Variants in SLCO4A1 observed in about 807,000 individuals in gnomAD.
SLCO4A1 encodes colon organic anion transporter.
A neutral mutation model predicts 64.6 loss-of-function variants in SLCO4A1; 51 were observed. That is an observed-to-expected ratio of 0.79 (90% CI 0.63 to 1.00). The LOEUF is 1.00. Ranked by LOEUF, SLCO4A1 falls within the 50% of genes least tolerant of loss-of-function variation. SLCO4A1 has a pLI of 0.00. For missense variants in SLCO4A1, 919 were observed against 980.5 expected (o/e 0.94, Z 0.84); for synonymous variants, 471 against 444.9 (o/e 1.06, Z -0.74).
downstream of SLCO4A1, among the ~76,000 whole-genome samples, chr20:62,689,320 C>A (rs895759567): frequency 7.2e-6 from 1 of 139,798 alleles, no homozygotes; most frequent in Non-Finnish European, 1.6e-5. Flanking sequence ...CCCGGCTGTG[C>A]CCCGTGCCTC....
At chr20:62,687,904 C>G (rs1988117536), downstream of SLCO4A1, among the ~76,000 whole-genome samples, 1 of 152,130 alleles carries the variant, frequency 6.6e-6, no homozygotes, top group African/African-American at 2.4e-5. Context: ...CCCAGGGGAT[C>G]CCCACTCACC....
intron 1 of SLCO4A1, among the ~76,000 whole-genome samples, chr20:62,652,448 G>A (rs929695825): frequency 3.3e-5 from 5 of 152,076 alleles, no homozygotes; most frequent in African/African-American, 1.2e-4. Flanking sequence ...GCGCCTCCTC[G>A]TCAGTCCCGC....
At chr20:62,688,515 G>A (rs185587054), downstream of SLCO4A1, among the ~76,000 whole-genome samples, 163 of 152,318 alleles carry the variant, frequency 1.1e-3, no homozygotes, top group Non-Finnish European at 2.0e-3. Flanking sequence ...ATATTTTCTC[G>A]GGGTTTGGGG....
At position 62,656,580 on chromosome 20, in the gene SLCO4A1, C is replaced by G. The variant is rs1983754397; in HGVS notation, c.126C>G (p.Gly42=). The change falls in exon 2 of 12, where the codon GGC becomes GGG. Residue 42 remains glycine, a synonymous_variant. Coordinates refer to ENST00000217159, the MANE Select transcript of SLCO4A1 (RefSeq NM_016354.4). ...RASPGTPLSP[G]SLRSAAHSPL... is the part of the protein sequence containing the mutation. ...CCCCGGGCACACCCCTGAGCCCCGG[C>G]TCCCTCCGCTCCGCTGCCCATAGCC... 1.3e-6 allele frequency: 2 copies of G among 1,590,100 alleles called. No homozygotes were observed. The highest frequency in any genetic ancestry group is 1.7e-6 in the Non-Finnish European group (2 of 1,171,994).
At chr20:62,667,614 GC>G (rs780133928) in intron 7 of SLCO4A1, 130 bp from the exon 8 acceptor site, 3 of 1,096,706 alleles carry the variant, frequency 2.7e-6, no homozygotes, top group Middle Eastern at 3.1e-4. Context: ...TGGGGGCGGT[GC>G]AAGCTTGGCA....
In SLCO4A1 at chr20:62,666,380, G is replaced by A. The variant is rs767394520; in HGVS notation, c.1277G>A (p.Gly426Glu). The A allele has an allele frequency of 6.2e-7, 1 of 1,612,384 alleles. No individual in the cohort carries two copies. Residue 426 changes from glycine (G) to glutamate (E), a missense_variant and splice_region_variant, in exon 7 of 12, where the codon GGG becomes GAG. Transcript: ENST00000217159. The stretch of plus-strand genomic sequence containing the variant: ...TGGCTGAATCCCTCCCTCTCCCCAG[G>A]GTACCTGGTGGTGCCAGCGGGTGGT... ...LSASEAATLFGYLVVPAGGGG... is the reference protein window; with the variant it reads ...LSASEAATLFEYLVVPAGGGG...
At chr20:62,682,851 C>T (rs1424964626) in intron 2 of SLCO4A1, among the ~76,000 whole-genome samples, 1 of 152,196 alleles carries the variant, frequency 6.6e-6, no homozygotes, top group African/African-American at 2.4e-5. Flanking sequence ...TAGGGCATGG[C>T]GAGGGTTAAC....
chr20:62,651,827 T>C (rs1030621247), intron 1 of SLCO4A1: 1 of 152,202 alleles, frequency 6.6e-6, no homozygotes, highest in African/African-American at 2.4e-5. Flanking sequence ...GGCCCCAGCG[T>C]CTGGTCCTGA....
At chr20:62,686,189 C>T (rs73918622), downstream of SLCO4A1, among the ~76,000 whole-genome samples, 25,567 of 152,130 alleles carry the variant, frequency 0.17, 2,229 homozygotes, top group African/African-American at 0.21. Context: ...CCGTGTAGCT[C>T]CCGCCCCAGT....
rs199938296 is a variant in SLCO4A1 at position 62,667,787 on chromosome 20, C to T, written c.1515C>T (p.Asn505=). 89 of 1,611,918 alleles carry T rather than the reference C, an allele frequency of 5.5e-5. No homozygotes were observed. Among genetic ancestry groups the T allele is most frequent in the South Asian group, 2.2e-4 (20 of 91,030 alleles). ...ACCTGAACCTAACGGCTCCCTGCAA[C>T]GCTGCCTGCAGCTGCCAGCCAGAAC... ...EGHLNLTAPC[N]AACSCQPEHY... The change falls in exon 8 of 12, where the codon AAC becomes AAT. Residue 505 remains asparagine (N), a synonymous_variant. Coordinates refer to ENST00000217159, the MANE Select transcript of SLCO4A1 (RefSeq NM_016354.4).
chr20:62,683,909 C>T (rs1987948805), intron 2 of SLCO4A1, among the ~76,000 whole-genome samples: 1 of 151,028 alleles, frequency 6.6e-6, no homozygotes, highest in Admixed American at 6.6e-5. Context: ...CACACACGCT[C>T]ACGCAACGAT....
At chr20:62,662,283 C>T (rs112029876) in intron 5 of SLCO4A1, among the ~76,000 whole-genome samples, 22 of 151,872 alleles carry the variant, frequency 1.4e-4, no homozygotes, top group Non-Finnish European at 2.9e-4. Flanking sequence ...GGAGGGTGAC[C>T]CCATGGGCCA....
At chr20:62,686,730 GGC>G (rs1988070603), downstream of SLCO4A1, among the ~76,000 whole-genome samples, 1 of 152,212 alleles carries the variant, frequency 6.6e-6, no homozygotes, top group Non-Finnish European at 1.5e-5. Context: ...TTTTACCAAG[GGC>G]AGGTTTGGAC....
At chr20:62,642,975 C>T (rs1056154931) in intron 1 of SLCO4A1, 3 of 469,342 alleles carry the variant, frequency 6.4e-6, no homozygotes, top group African/African-American at 4.0e-5. Flanking sequence ...TGGGGACGAA[C>T]GCGCCTCCGC....
At position 62,644,947 on chromosome 20, in the gene SLCO4A1, C is replaced by T. The variant is rs1981051644; in HGVS notation, c.-97+2394C>T. Among the ~76,000 whole-genome samples the T allele has an allele frequency of 6.6e-6, 1 of 152,250 alleles. No homozygotes were observed. The highest frequency in any genetic ancestry group is 2.1e-4 in the South Asian group (1 of 4,834). ...CCACGCCAGGCCAGCCCTCCTGCTT[C>T]CTCAAGCGGGCTGTGGACAGAGGCC... On this transcript the variant is annotated intron_variant, in intron 1 of 11. Coordinates refer to ENST00000217159, the MANE Select transcript of SLCO4A1 (RefSeq NM_016354.4). This position sits in a 1 kb window ranked among gnomAD's most constrained non-coding sequence, Gnocchi z 5.4.
At chr20:62,662,857 C>T (rs1373274862) in intron 5 of SLCO4A1, among the ~76,000 whole-genome samples, 1 of 150,522 alleles carries the variant, frequency 6.6e-6, no homozygotes, top group African/African-American at 2.4e-5. Flanking sequence ...CGCCGGGACC[C>T]CCCCCAGGGT....
At chr20:62,666,145 T>TC (rs372614212) in intron 6 of SLCO4A1, 1 of 96,970 alleles carries the variant, frequency 1.0e-5, no homozygotes, top group African/African-American at 4.1e-5. Flanking sequence ...CCCTTCCCCT[T>TC]CCCCTTCCCC....
intron 11 of SLCO4A1, 115 bp downstream of exon 11, chr20:62,669,193 T>A: frequency 9.5e-7 from 1 of 1,052,602 alleles, no homozygotes; most frequent in Non-Finnish European, 1.4e-6. Flanking sequence ...CAGATGTTCC[T>A]GCAGCCAGTT....
In SLCO4A1 at chr20:62,656,736, G is replaced by T; in HGVS notation, c.282G>T (p.Pro94=). 6.2e-7 allele frequency: 1 copy of T among 1,611,882 alleles called. No individual in the cohort carries two copies. The highest frequency in any genetic ancestry group is 1.1e-5 in the South Asian group (1 of 90,928). The change falls in exon 2 of 12, where the codon CCG becomes CCT. Residue 94 remains proline, a synonymous_variant. Coordinates refer to ENST00000217159, the MANE Select transcript of SLCO4A1 (RefSeq NM_016354.4). ...VACGWWAFAP[P]CLQVLNTPKG... ...GCGGCTGGTGGGCCTTCGCACCGCC[G>T]TGCCTGCAGGTCCTCAACACGCCCA...
Sources: allele counts gnomAD v4.1 joint callset (sites outside exome capture counted in the v4.1 genomes callset), GRCh38; gene constraint gnomAD v4.1.1; non-coding constraint Gnocchi (gnomAD v3.1); transcripts MANE v1.5; gene names NCBI Gene and HGNC (gene_info 2026-07-23, HGNC 2026-07-21).